MIPOL1: variants seen among roughly 807,000 people sequenced by gnomAD.
The protein encoded by MIPOL1 is mirror-image polydactyly gene 1 protein.
A neutral mutation model predicts 60.9 loss-of-function variants in MIPOL1; 57 were observed. That is an observed-to-expected ratio of 0.94 (90% CI 0.76 to 1.17). The LOEUF is 1.17. Ranked by LOEUF, MIPOL1 falls within the 50% of genes most tolerant of loss-of-function variation. The pLI is 0.00. For missense variants in MIPOL1, 551 were observed against 511.6 expected (o/e 1.08, Z -0.74); for synonymous variants, 179 against 168.8 (o/e 1.06, Z -0.47).
chr14:37,341,449 A>G (rs1330302696), intron 9 of MIPOL1, among the ~76,000 whole-genome samples: 3 of 152,216 alleles, frequency 2.0e-5, no homozygotes, highest in Non-Finnish European at 4.4e-5. Context: ...TTAGTTTACC[A>G]TAGACATTGT....
At chr14:37,298,625 A>G (rs1468037884) in intron 7 of MIPOL1, among the ~76,000 whole-genome samples, 4 of 152,212 alleles carry the variant, frequency 2.6e-5, no homozygotes, top group African/African-American at 9.6e-5. Flanking sequence ...ACCCCATCAA[A>G]AAGTGGGCGA....
chr14:37,367,994 C>T (rs1282512224), intron 9 of MIPOL1, among the ~76,000 whole-genome samples: 1 of 151,836 alleles, frequency 6.6e-6, no homozygotes, highest in African/African-American at 2.4e-5. Flanking sequence ...ATAAATACCA[C>T]ATAATATGTG....
chr14:37,468,245 T>G (rs1414086622), intron 11 of MIPOL1, among the ~76,000 whole-genome samples: 1 of 152,074 alleles, frequency 6.6e-6, no homozygotes, highest in African/African-American at 2.4e-5. Flanking sequence ...TTTCAGGAAT[T>G]ATTTCACCAC....
At chr14:37,342,942 GTTAT>G (rs1014738630) in intron 9 of MIPOL1, among the ~76,000 whole-genome samples, 4 of 149,052 alleles carry the variant, frequency 2.7e-5, no homozygotes, top group South Asian at 2.1e-4. Context: ...TAAATCTCTA[GTTAT>G]TTATTTTAAT....
chr14:37,530,211 T>C (rs2095471173), intron 12 of MIPOL1, among the ~76,000 whole-genome samples: 1 of 152,166 alleles, frequency 6.6e-6, no homozygotes, highest in Non-Finnish European at 1.5e-5. Context: ...ATTCAGCATC[T>C]TAAGGTTCTC....
chr14:37,285,796 A>G (rs1265276903), intron 7 of MIPOL1, among the ~76,000 whole-genome samples: 3 of 151,696 alleles, frequency 2.0e-5, no homozygotes, highest in African/African-American at 7.3e-5. Flanking sequence ...GTTTCACCAC[A>G]TTAGCCAGGA....
intron 11 of MIPOL1, among the ~76,000 whole-genome samples, chr14:37,468,281 G>A (rs2153587081): frequency 6.6e-6 from 1 of 152,074 alleles, no homozygotes; most frequent in Admixed American, 6.5e-5. Flanking sequence ...TAACTGCCAG[G>A]GGGCTTCCAG....
intron 11 of MIPOL1, among the ~76,000 whole-genome samples, chr14:37,424,881 T>G (rs1290920195): frequency 1.3e-5 from 2 of 152,224 alleles, no homozygotes; most frequent in Non-Finnish European, 2.9e-5. Context: ...CTAAAAATTC[T>G]GACACTTAGC....
chr14:37,322,794 C>T (rs1249503421), intron 9 of MIPOL1, among the ~76,000 whole-genome samples: 1 of 151,994 alleles, frequency 6.6e-6, no homozygotes, highest in African/African-American at 2.4e-5. Context: ...AGTATCTGTT[C>T]ATATCCTTTG....
Position 37,334,983 on chromosome 14 carries a change from A to T in MIPOL1, c.828+26464A>T, listed in dbSNP as rs572422342. On this transcript the variant is annotated intron_variant, in intron 9 of 12. Coordinates refer to ENST00000684589, the MANE Select transcript of MIPOL1 (RefSeq NM_001388067.1). ...ATTAGGCTGCTGTGAACATTAATGT[A>T]TAGGTTTTTGTGGGAGCATATTTTT... is the stretch of plus-strand genomic sequence containing the variant. Among the ~76,000 whole-genome samples the T allele has an allele frequency of 2.0e-5, 3 of 152,166 alleles. No homozygotes were observed. The East Asian group carries it at 5.8e-4, about 29-fold the overall frequency.
chr14:37,323,985 G>A (rs573017529), intron 9 of MIPOL1, among the ~76,000 whole-genome samples: 55 of 151,888 alleles, frequency 3.6e-4, no homozygotes, highest in Non-Finnish European at 7.4e-4. Flanking sequence ...ATTTGGATTT[G>A]TCCAGTTTTT....
intron 11 of MIPOL1, among the ~76,000 whole-genome samples, chr14:37,447,187 A>C (rs2094350726): frequency 6.6e-6 from 1 of 152,150 alleles, no homozygotes. Context: ...CCATTCAAGA[A>C]GTAGTGATAA....
chr14:37,332,695 C>G (rs1323524850), intron 9 of MIPOL1, among the ~76,000 whole-genome samples: 2 of 8,134 alleles, frequency 2.5e-4, no homozygotes, highest in Non-Finnish European at 8.8e-4. Context: ...TCCGAAATGG[C>G]AGGCAATTTT....
At chr14:37,219,121 A>T (rs1016905217) in intron 1 of MIPOL1, among the ~76,000 whole-genome samples, 1 of 152,112 alleles carries the variant, frequency 6.6e-6, no homozygotes, top group Non-Finnish European at 1.5e-5. Context: ...GTGGATGGAA[A>T]GTTACTAACA....
chr14:37,342,528 G>A (rs996901374), intron 9 of MIPOL1, among the ~76,000 whole-genome samples: 1 of 151,740 alleles, frequency 6.6e-6, no homozygotes. Flanking sequence ...CTCCCAAGTA[G>A]CTGGGATTAC....
At chr14:37,533,250 A>G (rs572484706) in intron 12 of MIPOL1, among the ~76,000 whole-genome samples, 7 of 152,320 alleles carry the variant, frequency 4.6e-5, no homozygotes, top group African/African-American at 1.7e-4. Context: ...ACTGCCAGAA[A>G]GAAGCAGTGA....
At chr14:37,306,647 T>G (rs2086806890) in intron 7 of MIPOL1, among the ~76,000 whole-genome samples, 1 of 151,874 alleles carries the variant, frequency 6.6e-6, no homozygotes, top group South Asian at 2.1e-4. Context: ...CAATTACTGC[T>G]GGTTAAATGC....
intron 12 of MIPOL1, among the ~76,000 whole-genome samples, chr14:37,531,070 G>A (rs914569565): frequency 3.3e-5 from 5 of 152,010 alleles, no homozygotes; most frequent in African/African-American, 7.2e-5. Flanking sequence ...CACCCACCTC[G>A]GCCCCACAAA....
chr14:37,395,609 T>C (rs1156864841), intron 10 of MIPOL1, among the ~76,000 whole-genome samples: 1 of 152,218 alleles, frequency 6.6e-6, no homozygotes, highest in Admixed American at 6.5e-5. Context: ...ATTAATCTTG[T>C]GTCTAGAAAC....
Sources: gnomAD v4.1 joint callset for allele counts (sites outside exome capture counted in the v4.1 genomes callset) on GRCh38, gnomAD v4.1.1 for gene constraint, MANE v1.5 for transcripts, NCBI Gene and HGNC (gene_info 2026-07-23, HGNC 2026-07-21) for gene names.